COL25A1: variants seen among roughly 807,000 people sequenced by gnomAD.
The protein encoded by COL25A1 is collagen alpha-1(XXV) chain.
In COL25A1, 103 loss-of-function variants were observed where a neutral mutation model predicts 128.4. The ratio of observed to expected loss-of-function variants is 0.80; its 90% CI spans 0.68 to 0.94. The LOEUF (loss-of-function observed/expected upper bound fraction) is 0.94. Ranked by LOEUF, COL25A1 falls within the 40% of genes least tolerant of loss-of-function variation. COL25A1 has a pLI of 0.00. For missense variants in COL25A1, 745 were observed against 840.0 expected, an observed-to-expected ratio of 0.89 and a Z score of 1.40; for synonymous variants, 279 against 277.2, an observed-to-expected ratio of 1.01 and a Z score of -0.06.
At chr4:108,955,054 C>A (rs201635140) in intron 8 of COL25A1, among the ~76,000 whole-genome samples, 1 of 151,840 alleles carries the variant, frequency 6.6e-6, no homozygotes, top group Non-Finnish European at 1.5e-5. Context: ...AGTTCTACCA[C>A]CTCATTAACT....
At chr4:109,215,278 T>G (rs1451203748) in intron 3 of COL25A1, among the ~76,000 whole-genome samples, 1 of 152,182 alleles carries the variant, frequency 6.6e-6, no homozygotes, top group Non-Finnish European at 1.5e-5. Flanking sequence ...TTCTTTTTAT[T>G]CTCTATTCTA....
intron 3 of COL25A1, among the ~76,000 whole-genome samples, chr4:109,056,945 A>T (rs1455339405): frequency 6.6e-6 from 1 of 152,136 alleles, no homozygotes; most frequent in African/African-American, 2.4e-5. Context: ...CTGTAACCTC[A>T]AACTTCTGGG....
At chr4:109,197,448 TATTATATATAAATATTATATATAA>T (rs1560850612) in intron 3 of COL25A1, among the ~76,000 whole-genome samples, 22 of 120,224 alleles carry the variant, frequency 1.8e-4, no homozygotes, top group African/African-American at 6.7e-4. Flanking sequence ...ATATTATATA[TATTATATATAAATATTATATATAA>T]TATATATTAT....
At chr4:109,299,239 C>A (rs1725282029) in intron 3 of COL25A1, among the ~76,000 whole-genome samples, 1 of 152,038 alleles carries the variant, frequency 6.6e-6, no homozygotes, top group Non-Finnish European at 1.5e-5. Flanking sequence ...TTAAATAATC[C>A]CTACAGGCTG....
chr4:109,033,450 G>T (rs778307727), intron 5 of COL25A1, among the ~76,000 whole-genome samples: 2 of 152,212 alleles, frequency 1.3e-5, no homozygotes, highest in Non-Finnish European at 2.9e-5. Context: ...GTCATGTTGC[G>T]ATAGCAGGAA....
intron 6 of COL25A1, among the ~76,000 whole-genome samples, chr4:109,000,151 G>T (rs1382106930): frequency 6.6e-6 from 1 of 151,868 alleles, no homozygotes; most frequent in African/African-American, 2.4e-5. Flanking sequence ...AGAGAGAAAG[G>T]AAAAAAGTGT....
At chr4:109,113,595 T>C (rs1213963191) in intron 3 of COL25A1, among the ~76,000 whole-genome samples, 2 of 151,412 alleles carry the variant, frequency 1.3e-5, no homozygotes, top group Non-Finnish European at 2.9e-5. Context: ...TCAAACATAT[T>C]TAAAACTAAA....
In COL25A1 at chr4:109,121,781, G is replaced by A. The variant is rs1164604799; in HGVS notation, c.368-71602C>T. 5.9e-5 allele frequency among the ~76,000 whole-genome samples: 9 copies of A among 151,990 alleles called. 1 individual carries two copies. The highest frequency in any genetic ancestry group is 4.1e-4 in the South Asian group (2 of 4,828). The stretch of plus-strand genomic sequence containing the variant: ...GCAATAATGCTCCTTGATATTTACC[G>A]AAAGGAACCAAAAACTTATATCCAC... On this transcript the variant is annotated intron_variant, in intron 3 of 37. Transcript: ENST00000399132.
At chr4:109,109,980 C>T (rs1291421097) in intron 3 of COL25A1, among the ~76,000 whole-genome samples, 3 of 152,144 alleles carry the variant, frequency 2.0e-5, no homozygotes, top group South Asian at 2.1e-4. Flanking sequence ...TGAAGTGTGG[C>T]CATTCCTTCA....
chr4:109,007,280 G>A (rs28454192), intron 6 of COL25A1, among the ~76,000 whole-genome samples: 1 of 152,210 alleles, frequency 6.6e-6, no homozygotes, highest in African/African-American at 2.4e-5. Context: ...AAAAATATCA[G>A]AGAAAAGCTA....
At chr4:108,846,387 T>C (rs1203105753) in intron 27 of COL25A1, among the ~76,000 whole-genome samples, 168 bp from the exon 28 acceptor site, 1 of 152,240 alleles carries the variant, frequency 6.6e-6, no homozygotes, top group Non-Finnish European at 1.5e-5. Flanking sequence ...ACCTTCTACA[T>C]GCAATCAGTA....
chr4:109,243,874 T>C (rs1402202710), intron 3 of COL25A1, among the ~76,000 whole-genome samples: 2 of 152,128 alleles, frequency 1.3e-5, no homozygotes, highest in Admixed American at 6.6e-5. Flanking sequence ...TCTATACCTA[T>C]AAAATCTATG....
chr4:109,265,492 T>C (rs895718887), intron 3 of COL25A1, among the ~76,000 whole-genome samples: 10 of 151,800 alleles, frequency 6.6e-5, no homozygotes, highest in African/African-American at 2.4e-4. Flanking sequence ...TATTCTTGCA[T>C]GTGTTTTCTT....
intron 11 of COL25A1, among the ~76,000 whole-genome samples, chr4:108,922,796 T>C (rs1578777419): frequency 6.6e-6 from 1 of 152,294 alleles, no homozygotes; most frequent in Middle Eastern, 3.4e-3. Flanking sequence ...ATAAAAGCAG[T>C]TTTTAAGATT....
chr4:109,037,234 C>T (rs1553919564), intron 5 of COL25A1, among the ~76,000 whole-genome samples: 1 of 152,206 alleles, frequency 6.6e-6, no homozygotes. Flanking sequence ...CAAATACTCT[C>T]CTTCTTTCTC....
intron 5 of COL25A1, among the ~76,000 whole-genome samples, chr4:109,018,666 A>G (rs989512666): frequency 2.0e-5 from 3 of 152,166 alleles, no homozygotes; most frequent in African/African-American, 7.2e-5. Context: ...GAATGTTTGC[A>G]TTTTCTTCTC....
At chr4:109,093,615 C>T (rs1038962102) in intron 3 of COL25A1, among the ~76,000 whole-genome samples, 6 of 151,770 alleles carry the variant, frequency 4.0e-5, no homozygotes, top group African/African-American at 1.2e-4. Flanking sequence ...CATTCCAGCC[C>T]GGGTGACAAA....
intron 3 of COL25A1, among the ~76,000 whole-genome samples, chr4:109,242,003 A>G (rs1459643344): frequency 6.6e-6 from 1 of 151,962 alleles, no homozygotes; most frequent in Non-Finnish European, 1.5e-5. Flanking sequence ...AGTTGTGTCA[A>G]GCTTGTAGTG....
intron 3 of COL25A1, among the ~76,000 whole-genome samples, chr4:109,177,319 G>A (rs889414273): frequency 8.5e-5 from 13 of 152,126 alleles, no homozygotes; most frequent in Non-Finnish European, 1.3e-4. Flanking sequence ...GAGTTAAAAC[G>A]TAGTGTAAAC....
Sources: allele counts gnomAD v4.1 joint callset (sites outside exome capture counted in the v4.1 genomes callset), GRCh38; gene constraint gnomAD v4.1.1; transcripts MANE v1.5; gene names NCBI Gene and HGNC (gene_info 2026-07-23, HGNC 2026-07-21).